The following PDE8B variants were observed in gnomAD, a reference collection of about 807,000 sequenced individuals.
The protein encoded by PDE8B is high affinity cAMP-specific and IBMX-insensitive 3',5'-cyclic phosphodiesterase 8B.
PDE8B carries 26 observed loss-of-function variants against 101.3 expected under a neutral mutation model. The observed-to-expected ratio is 0.26, with a 90% CI of 0.19 to 0.36. The LOEUF (loss-of-function observed/expected upper bound fraction) is 0.36. PDE8B is among the 10% of genes least tolerant of loss of function. The pLI is 1.00. For synonymous variants in PDE8B, 424 were observed against 429.3 expected (o/e 0.99, Z 0.15); for missense variants, 810 against 1,163.1 (o/e 0.70, Z 4.42).
Position 77,426,000 on chromosome 5 carries a change from A to T in PDE8B, c.2548+104A>T, listed in dbSNP as rs557850223. Reference sequence around the variant, plus strand: ...CTAAAGGTAAACAAAATATATTTTTAAAAATGTGGCTGTCAGCTTTTTGTG... The same window carrying T: ...CTAAAGGTAAACAAAATATATTTTTTAAAATGTGGCTGTCAGCTTTTTGTG... On this transcript the variant is annotated intron_variant, in intron 21 of 21. Coordinates refer to ENST00000264917, the MANE Select transcript of PDE8B (RefSeq NM_003719.5). The T allele has an allele frequency of 4.7e-5, 57 of 1,218,272 alleles. 1 individual carries two copies. The highest frequency in any genetic ancestry group is 3.3e-4 in the South Asian group (26 of 78,966). The allele number at this position is 1,218,272 out of a possible 1,614,324, so 75.5% of individuals were successfully genotyped here.
At chr5:77,261,506 C>T (rs1760574291) in intron 1 of PDE8B, among the ~76,000 whole-genome samples, 1 of 152,236 alleles carries the variant, frequency 6.6e-6, no homozygotes, top group Non-Finnish European at 1.5e-5. Context: ...CATTTTGTTT[C>T]TAATTAATCA....
chr5:77,379,064 T>A (rs1014479524), intron 10 of PDE8B, among the ~76,000 whole-genome samples: 1 of 152,214 alleles, frequency 6.6e-6, no homozygotes, highest in Non-Finnish European at 1.5e-5. Context: ...ACATAAATGA[T>A]TATCACTGGG....
chr5:77,211,017 G>C lies in PDE8B; in HGVS notation c.92G>C (p.Ser31Thr). ...DESSSPRQTT[S>T]VSQGPAAPLP... ...TCCAGCTCGCCCCGCCAGACCACCA[G>C]CGTGTCGCAGGGCCCGGCGGCACCC... The change falls in exon 1 of 22, where the codon AGC (serine) becomes ACC (threonine). Residue 31 changes from serine (S) to threonine (T), a missense_variant. By Grantham distance (58) the Ser-to-Thr change is moderately conservative. Coordinates refer to ENST00000264917, the MANE Select transcript of PDE8B (RefSeq NM_003719.5). The surrounding 1 kb of genome is among the most constrained non-coding windows in gnomAD (Gnocchi z 4.1). The C allele has an allele frequency of 6.5e-7, 1 of 1,548,924 alleles. No homozygotes were observed. Among genetic ancestry groups the C allele is most frequent in the Non-Finnish European group, 8.6e-7 (1 of 1,157,778 alleles).
chr5:77,103,477 C>G, the PDE8B span, among the ~76,000 whole-genome samples: 3 of 152,166 alleles, frequency 2.0e-5, no homozygotes, highest in African/African-American at 4.8e-5. Context: ...ATTTATAGCA[C>G]ACGGGAATAG....
chr5:77,155,615 C>T, the PDE8B span, among the ~76,000 whole-genome samples: 3 of 152,156 alleles, frequency 2.0e-5, no homozygotes, highest in Non-Finnish European at 4.4e-5. Flanking sequence ...TCGTGTGAAG[C>T]GGTTAGAACC....
chr5:77,425,715 G>A, intron 20 of PDE8B, 52 bp from the exon 21 acceptor site: 2 of 1,590,994 alleles, frequency 1.3e-6, no homozygotes, highest in Non-Finnish European at 8.6e-7. Flanking sequence ...GGATATTACT[G>A]TGAAAGTGTC....
chr5:77,241,188 C>T (rs570702453), intron 1 of PDE8B, among the ~76,000 whole-genome samples: 20 of 152,322 alleles, frequency 1.3e-4, no homozygotes, highest in African/African-American at 3.6e-4. Context: ...ACTGTCAGTT[C>T]AGCACGCACA....
At chr5:77,164,105 A>C in the PDE8B span, among the ~76,000 whole-genome samples, 9 of 152,254 alleles carry the variant, frequency 5.9e-5, no homozygotes, top group Non-Finnish European at 1.3e-4. Flanking sequence ...GGGAGTGAAG[A>C]GCACAGGGGT....
the PDE8B span, among the ~76,000 whole-genome samples, chr5:77,204,183 G>A: frequency 3.3e-5 from 5 of 151,672 alleles, no homozygotes; most frequent in Non-Finnish European, 7.4e-5. Flanking sequence ...GCTGAGGCAG[G>A]CAGAGCACCT....
chr5:77,325,402 T>G, intron 2 of PDE8B, 137 bp from the exon 3 acceptor site: 1 of 794,974 alleles, frequency 1.3e-6, no homozygotes, highest in South Asian at 1.5e-5. Flanking sequence ...ACACCTGGGC[T>G]TAAGTAGTCC....
intron 10 of PDE8B, among the ~76,000 whole-genome samples, chr5:77,398,068 C>T (rs1488612190): frequency 6.6e-6 from 1 of 151,036 alleles, no homozygotes; most frequent in African/African-American, 2.4e-5. Context: ...TCTGTTTTCC[C>T]CAAGGGATCC....
intron 10 of PDE8B, among the ~76,000 whole-genome samples, chr5:77,384,115 A>C (rs1788069136): frequency 6.6e-6 from 1 of 152,228 alleles, no homozygotes; most frequent in South Asian, 2.1e-4. Flanking sequence ...CCTATCCATG[A>C]GTATGGAATG....
chr5:77,158,937 G>A, the PDE8B span, among the ~76,000 whole-genome samples: 33 of 152,266 alleles, frequency 2.2e-4, no homozygotes, highest in South Asian at 8.3e-4. Context: ...GAAATGGCCC[G>A]GTGACTCCAG....
chr5:77,318,118 G>A (rs1472305405), intron 2 of PDE8B, among the ~76,000 whole-genome samples: 5 of 150,260 alleles, frequency 3.3e-5, no homozygotes, highest in Admixed American at 6.6e-5. Flanking sequence ...CTTCCATGTT[G>A]TAGGGCATGG....
chr5:77,140,788 T>C, the PDE8B span: 2 of 152,234 alleles, frequency 1.3e-5, no homozygotes, highest in African/African-American at 4.8e-5. Flanking sequence ...AACATCCACA[T>C]GGCAACCCCC....
the PDE8B span, among the ~76,000 whole-genome samples, chr5:77,181,658 C>T: frequency 3.3e-5 from 5 of 152,144 alleles, no homozygotes; most frequent in African/African-American, 1.2e-4. Context: ...GTAAGACCTC[C>T]GCAGTTGAGT....
intron 16 of PDE8B, among the ~76,000 whole-genome samples, 177 bp downstream of exon 16, chr5:77,412,412 C>T (rs1326413768): frequency 6.6e-6 from 1 of 152,094 alleles, no homozygotes; most frequent in East Asian, 1.9e-4. Context: ...TGAGTGAGAT[C>T]CTTTGTGGAG....
intron 5 of PDE8B, 28 bp from the exon 6 acceptor site, chr5:77,337,199 T>G: frequency 8.3e-7 from 1 of 1,199,222 alleles, no homozygotes; most frequent in Non-Finnish European, 1.2e-6. Context: ...TATATATGTC[T>G]TATGTATTGT....
chr5:77,223,723 TC>T (rs36123024), intron 1 of PDE8B, among the ~76,000 whole-genome samples: 1 of 152,126 alleles, frequency 6.6e-6, no homozygotes, highest in South Asian at 2.1e-4. Context: ...ACATTACTTT[TC>T]CAGATGGTTT....
Sources: gnomAD v4.1 joint callset for allele counts (sites outside exome capture counted in the v4.1 genomes callset) on GRCh38, gnomAD v4.1.1 for gene constraint, Gnocchi (gnomAD v3.1) non-coding constraint, MANE v1.5 for transcripts, NCBI Gene and HGNC (gene_info 2026-07-23, HGNC 2026-07-21) for gene names.